KCNJ5: variants seen among roughly 807,000 people sequenced by gnomAD.
KCNJ5 encodes potassium inwardly rectifying channel subfamily J member 5, also known as G protein-activated inward rectifier potassium channel 4.
In KCNJ5, 12 loss-of-function variants were observed where a neutral mutation model predicts 20.2. That is an observed-to-expected ratio of 0.59 (90% CI 0.38 to 0.96). KCNJ5 has a LOEUF of 0.96. KCNJ5 is among the 40% of genes least tolerant of loss of function. The pLI is 0.00. For missense variants in KCNJ5, 449 were observed against 557.6 expected, an observed-to-expected ratio of 0.81 and a Z score of 1.96; for synonymous variants, 210 against 213.9, an observed-to-expected ratio of 0.98 and a Z score of 0.16.
intron 1 of KCNJ5, among the ~76,000 whole-genome samples, chr11:128,893,305 C>T (rs1944122620): frequency 6.6e-6 from 1 of 152,076 alleles, no homozygotes; most frequent in African/African-American, 2.4e-5. Context: ...AGAGCAGCAG[C>T]AGGGCCACCA....
intron 1 of KCNJ5, chr11:128,910,090 A>G (rs1176368263): frequency 6.6e-6 from 1 of 152,224 alleles, no homozygotes; most frequent in Admixed American, 6.5e-5. Flanking sequence ...TGAGGATTAA[A>G]TCAGCCAATG....
At chr11:128,903,590 C>T (rs897002666) in intron 1 of KCNJ5, 35 of 1,510,336 alleles carry the variant, frequency 2.3e-5, no homozygotes, top group African/African-American at 1.4e-4. Flanking sequence ...GTTTCTACTG[C>T]GGGGGCCGTT....
Position 128,912,102 on chromosome 11 carries a change from TCCCATGAGATCAACCAGAAGAG to T in KCNJ5, c.833_854del (p.His278LeufsTer21). The T allele has an allele frequency of 6.2e-7, 1 of 1,613,700 alleles. No individual in the cohort carries two copies. The highest frequency in any genetic ancestry group is 1.1e-5 in the South Asian group (1 of 91,070). On this transcript the variant is annotated frameshift_variant, in exon 2 of 3. Transcript: ENST00000529694. LOFTEE classifies it high-confidence loss of function. Reference sequence around the variant, plus strand: ...CTTCCTTGTGTCTCCTCTGATCATCTCCCATGAGATCAACCAGAAGAGCCCTTTCTGGGAGATGTCTCAGGCT... The same window carrying T: ...CTTCCTTGTGTCTCCTCTGATCATCTCCCTTTCTGGGAGATGTCTCAGGCT...
intron 2 of KCNJ5, among the ~76,000 whole-genome samples, chr11:128,915,293 G>A (rs1944560474): frequency 6.6e-6 from 1 of 152,228 alleles, no homozygotes; most frequent in African/African-American, 2.4e-5. Context: ...CACGGGCTGA[G>A]TAGACAGGGA....
At chr11:128,914,099 C>T (rs1034781416) in intron 2 of KCNJ5, among the ~76,000 whole-genome samples, 1 of 152,212 alleles carries the variant, frequency 6.6e-6, no homozygotes. Context: ...AAGGTTTCCC[C>T]CACAGAGCTA....
chr11:128,907,093 G>A (rs1463751441), intron 1 of KCNJ5, among the ~76,000 whole-genome samples: 23 of 152,154 alleles, frequency 1.5e-4, no homozygotes, highest in Admixed American at 1.5e-3. Flanking sequence ...CCACAGAAGA[G>A]TATACAAATA....
rs1944634311 is a variant in KCNJ5, at chr11:128,919,263, C to T, written c.*2532C>T. The T allele has an allele frequency of 6.6e-6, 1 of 152,466 alleles. No individual in the cohort carries two copies. 9.4% of individuals were successfully genotyped at this position (152,466 alleles called of 1,614,324 possible). On this transcript the variant is annotated 3_prime_UTR_variant, in exon 3 of 3. Coordinates refer to ENST00000529694, the MANE Select transcript of KCNJ5 (RefSeq NM_000890.5). Reference sequence around the variant, plus strand: ...CTTCATTTATGACTCTGAAACATCCCCCACCTGACCAAGGGAGCCACTCTC... The same window carrying T: ...CTTCATTTATGACTCTGAAACATCCTCCACCTGACCAAGGGAGCCACTCTC...
At chr11:128,914,964 GA>G (rs1944556193) in intron 2 of KCNJ5, among the ~76,000 whole-genome samples, 1 of 152,262 alleles carries the variant, frequency 6.6e-6, no homozygotes, top group Non-Finnish European at 1.5e-5. Context: ...CGACTGAAGG[GA>G]GAGGCCCGGC....
chr11:128,907,509 C>T (rs754112644), intron 1 of KCNJ5, among the ~76,000 whole-genome samples: 1 of 152,222 alleles, frequency 6.6e-6, no homozygotes, highest in Non-Finnish European at 1.5e-5. Flanking sequence ...GAGTCTTTCT[C>T]CACTTGTGTT....
intron 1 of KCNJ5, chr11:128,902,591 C>T: frequency 6.2e-7 from 1 of 1,612,522 alleles, no homozygotes; most frequent in Non-Finnish European, 8.5e-7. Context: ...CTGATGGGCA[C>T]TGAGGGGGTA....
chr11:128,910,370 T>A (rs1404895795), intron 1 of KCNJ5, among the ~76,000 whole-genome samples: 1 of 152,202 alleles, frequency 6.6e-6, no homozygotes, highest in African/African-American at 2.4e-5. Flanking sequence ...GGGAATCAAA[T>A]TTTCTAATGG....
chr11:128,903,656 A>G (rs1401924979), intron 1 of KCNJ5: 11 of 871,580 alleles, frequency 1.3e-5, no homozygotes, highest in Non-Finnish European at 1.8e-5. Flanking sequence ...TGCCAGAATG[A>G]CAGGTGTTAC....
Position 128,908,617 on chromosome 11 carries a change from C to T in KCNJ5, c.-10-2647C>T, listed in dbSNP as rs577894360. Among the ~76,000 whole-genome samples, 6 of 152,320 alleles carry T rather than the reference C, an allele frequency of 3.9e-5. No homozygotes were observed. The South Asian group carries it at 1.2e-3, about 32-fold the overall frequency. ...TAGTACGGCACAAAGCCTTCGCCTA[C>T]AAGAATGTATGCAAGTATGTTTAAA... is the stretch of plus-strand genomic sequence containing the variant. On this transcript the variant is annotated intron_variant, in intron 1 of 2. Coordinates refer to ENST00000529694, the MANE Select transcript of KCNJ5 (RefSeq NM_000890.5).
At position 128,920,304 on chromosome 11, in the gene KCNJ5, G is replaced by A. The variant is rs1171593507; in HGVS notation, c.*3573G>A. On this transcript the variant is annotated 3_prime_UTR_variant, in exon 3 of 3. Transcript: ENST00000529694. ...CCACTGCCCATCGCCTCCTGCTGCT[G>A]CTTTGAGGTTGAGGTCCTGGCTTGA... 6.5e-6 allele frequency: 1 copy of A among 152,880 alleles called. No homozygotes were observed. The highest frequency in any genetic ancestry group is 1.5e-5 in the Non-Finnish European group (1 of 68,436). 9.5% of individuals were successfully genotyped at this position (152,880 alleles called of 1,614,324 possible).
intron 1 of KCNJ5, chr11:128,899,606 T>C (rs1405068714): frequency 6.6e-6 from 1 of 152,208 alleles, no homozygotes; most frequent in Admixed American, 6.5e-5. Context: ...CTTTTATTAT[T>C]TAATGTGGAA....
At chr11:128,909,730 T>C (rs1261763292) in intron 1 of KCNJ5, 1 of 152,070 alleles carries the variant, frequency 6.6e-6, no homozygotes, top group Non-Finnish European at 1.5e-5. Flanking sequence ...GACAGATAAG[T>C]AAGTGGGGGT....
intron 1 of KCNJ5, among the ~76,000 whole-genome samples, chr11:128,893,012 C>G (rs1418955328): frequency 6.6e-6 from 1 of 152,232 alleles, no homozygotes; most frequent in Non-Finnish European, 1.5e-5. Flanking sequence ...ATTCTGAAAG[C>G]TGCTCTTGTC....
intron 2 of KCNJ5, among the ~76,000 whole-genome samples, chr11:128,912,489 G>C (rs576485820): frequency 1.1e-4 from 16 of 142,398 alleles, no homozygotes; most frequent in African/African-American, 3.7e-4. Context: ...GAGATATAGT[G>C]GGTTATTGTT....
At chr11:128,910,791 G>A (rs899527789) in intron 1 of KCNJ5, among the ~76,000 whole-genome samples, 1 of 152,184 alleles carries the variant, frequency 6.6e-6, no homozygotes, top group African/African-American at 2.4e-5. Flanking sequence ...GTGGGAGAGA[G>A]ACTGTTTGAA....
Sources: allele counts gnomAD v4.1 joint callset (sites outside exome capture counted in the v4.1 genomes callset), GRCh38; gene constraint gnomAD v4.1.1; transcripts MANE v1.5; gene names NCBI Gene and HGNC (gene_info 2026-07-23, HGNC 2026-07-21).